The following TIAM2 variants were observed in gnomAD, a reference collection of about 807,000 sequenced individuals.
TIAM2 encodes rho guanine nucleotide exchange factor TIAM2.
TIAM2 carries 80 observed loss-of-function variants against 152.9 expected under a neutral mutation model. That is an observed-to-expected ratio of 0.52 (90% CI 0.44 to 0.63). The LOEUF (loss-of-function observed/expected upper bound fraction) is 0.63, where lower values mean the gene tolerates loss of function less well. TIAM2 is among the 30% of genes least tolerant of loss of function. The probability of loss-of-function intolerance (pLI) is 0.00; values close to 1 mark genes in which losing one functional copy is unlikely to be tolerated. For missense variants in TIAM2, 1,965 were observed against 2,120.1 expected, an observed-to-expected ratio of 0.93 and a Z score of 1.44; for synonymous variants, 804 against 838.0, an observed-to-expected ratio of 0.96 and a Z score of 0.70.
At chr6:155,254,362 T>C (rs1388371885) in intron 25 of TIAM2, 57 bp from the exon 26 acceptor site, 1 of 1,584,374 alleles carries the variant, frequency 6.3e-7, no homozygotes, top group African/African-American at 1.3e-5. Context: ...GGGCGTGGAA[T>C]GGAAGCACGA....
At chr6:155,112,727 C>G (rs1778884590) in intron 2 of TIAM2, among the ~76,000 whole-genome samples, 2 of 152,192 alleles carry the variant, frequency 1.3e-5, no homozygotes, top group Admixed American at 1.3e-4. Flanking sequence ...GAAGCCTGCT[C>G]TGCTCTGCCG....
In TIAM2 at chr6:155,253,061, T is replaced by C. The variant is rs1301551878; in HGVS notation, c.4225+8T>C. ...GACTGGGGAATCCAGCAGGTAACTG[T>C]TTCGTGCAGTATGATGCCAGAAAAA... On this transcript the variant is annotated splice_region_variant and intron_variant, in intron 24 of 26. Transcript: ENST00000682666. The C allele has an allele frequency of 1.2e-6, 2 of 1,610,682 alleles. No individual in the cohort carries two copies. Among genetic ancestry groups the C allele is most frequent in the African/African-American group, 2.7e-5 (2 of 74,812 alleles).
Position 155,256,524 on chromosome 6 carries a change from C to T in TIAM2, c.4509C>T (p.Ser1503=). 3.1e-6 allele frequency: 5 copies of T among 1,614,232 alleles called. No homozygotes were observed. Among genetic ancestry groups the T allele is most frequent in the Non-Finnish European group, 4.2e-6 (5 of 1,180,044 alleles). The change falls in exon 27 of 27, where the codon AGC becomes AGT. Residue 1503 remains serine (S), a synonymous_variant. Coordinates refer to ENST00000682666, the MANE Select transcript of TIAM2 (RefSeq NM_012454.4). The part of the protein sequence containing the change: ...RSLKVLKNSS[S]NEWTGETGKG... Reference sequence around the variant, plus strand: ...TAAAAGTCCTGAAGAATTCCTCCAGCAACGAGTGGACCGGTGAGACTGGCA... The same window carrying T: ...TAAAAGTCCTGAAGAATTCCTCCAGTAACGAGTGGACCGGTGAGACTGGCA...
chr6:155,105,049 C>T (rs1359841182), intron 2 of TIAM2, among the ~76,000 whole-genome samples: 1 of 152,092 alleles, frequency 6.6e-6, no homozygotes, highest in African/African-American at 2.4e-5. Context: ...CTTGACCTCC[C>T]CAGGCTCAAT....
chr6:155,189,143 G>A (rs755797416), intron 14 of TIAM2, among the ~76,000 whole-genome samples: 2 of 152,204 alleles, frequency 1.3e-5, no homozygotes, highest in Non-Finnish European at 2.9e-5. Context: ...GCATTATAGA[G>A]CCAGCTCTGA....
chr6:155,046,058 C>T (rs1001082478), intron 1 of TIAM2, among the ~76,000 whole-genome samples: 13 of 151,688 alleles, frequency 8.6e-5, no homozygotes, highest in African/African-American at 2.9e-4. Context: ...TGCTCCCACA[C>T]CATTGCCTTT....
intron 1 of TIAM2, among the ~76,000 whole-genome samples, chr6:155,003,992 G>A (rs1778358687): frequency 6.6e-6 from 1 of 152,214 alleles, no homozygotes; most frequent in Admixed American, 6.5e-5. Flanking sequence ...ATTCTGTTGA[G>A]TCTGTTGTGT....
At chr6:155,139,360 C>G (rs1035518665) in intron 5 of TIAM2, among the ~76,000 whole-genome samples, 1 of 152,184 alleles carries the variant, frequency 6.6e-6, no homozygotes, top group Non-Finnish European at 1.5e-5. Context: ...GGCGGGTGTA[C>G]AAAGCCCAGG....
In TIAM2 at chr6:154,995,544, G is replaced by A. The variant is rs1438502032; in HGVS notation, c.-209+52G>A. The stretch of plus-strand genomic sequence containing the variant: ...GGAGGGCGACGACCCGCGCTGGTTG[G>A]CGGCGGCTCCAGGTCCCCTGCGGGC... On this transcript the variant is annotated intron_variant, in intron 1 of 26. Transcript: ENST00000682666. This position sits in a 1 kb window ranked among gnomAD's most constrained non-coding sequence, Gnocchi z 5.2. 6.6e-6 allele frequency: 1 copy of A among 151,334 alleles called. No individual in the cohort carries two copies. The highest frequency in any genetic ancestry group is 1.5e-5 in the Non-Finnish European group (1 of 67,806). 9.4% of individuals were successfully genotyped at this position (151,334 alleles called of 1,614,324 possible).
At chr6:155,064,979 T>G (rs375797023) in intron 1 of TIAM2, among the ~76,000 whole-genome samples, 1 of 151,668 alleles carries the variant, frequency 6.6e-6, no homozygotes, top group Admixed American at 6.6e-5. Context: ...ATTGTTGAGA[T>G]AGTCTTGCTT....
Position 155,137,734 on chromosome 6 carries a change from C to G in TIAM2, c.1630+122C>G, listed in dbSNP as rs973374267. 2.8e-6 allele frequency: 3 copies of G among 1,069,966 alleles called. No homozygotes were observed. The African/African-American group carries it at 4.8e-5, about 17-fold the overall frequency. The allele number at this position is 1,069,966 out of a possible 1,614,324, so 66.3% of individuals were successfully genotyped here. A position where few individuals can be genotyped will look rare whatever the true frequency, so the allele number is the denominator to read the frequency against. On this transcript the variant is annotated intron_variant, in intron 5 of 26. Coordinates refer to ENST00000682666, the MANE Select transcript of TIAM2 (RefSeq NM_012454.4). ...CACATGAGGGGTTTGACACAGGATC[C>G]ATGGGCTGCCTTCATGCAGATACTT... is the stretch of plus-strand genomic sequence containing the variant.
At chr6:155,054,457 A>G (rs527549500) in intron 1 of TIAM2, among the ~76,000 whole-genome samples, 3 of 152,324 alleles carry the variant, frequency 2.0e-5, no homozygotes, top group African/African-American at 7.2e-5. Flanking sequence ...GTGAGGGGGA[A>G]GAAGGAAATT....
intron 9 of TIAM2, among the ~76,000 whole-genome samples, chr6:155,166,563 T>C (rs1583225062): frequency 6.6e-6 from 1 of 152,282 alleles, no homozygotes; most frequent in East Asian, 1.9e-4. Flanking sequence ...CCTCAGGTGA[T>C]CCACCCACCT....
intron 1 of TIAM2, among the ~76,000 whole-genome samples, chr6:155,007,034 C>T (rs1328746751): frequency 6.6e-6 from 1 of 152,192 alleles, no homozygotes; most frequent in Non-Finnish European, 1.5e-5. Context: ...CCATGTTGCT[C>T]AGGCTGGTCT....
intron 1 of TIAM2, among the ~76,000 whole-genome samples, chr6:155,073,242 A>G (rs1181420800): frequency 2.1e-5 from 3 of 145,462 alleles, no homozygotes; most frequent in African/African-American, 7.7e-5. Context: ...GGCTCACTGC[A>G]ACCTCCACCT....
chr6:155,216,154 C>A (rs778889114), intron 15 of TIAM2, among the ~76,000 whole-genome samples: 16 of 152,076 alleles, frequency 1.1e-4, no homozygotes, highest in Non-Finnish European at 2.4e-4. Context: ...CTGGTGAATG[C>A]CTAGTGTGTG....
intron 1 of TIAM2, among the ~76,000 whole-genome samples, chr6:155,055,539 C>T (rs561902979): frequency 2.0e-4 from 30 of 152,216 alleles, no homozygotes; most frequent in African/African-American, 5.3e-4. Context: ...TGGTTTCGTA[C>T]GTGAGATTTT....
At chr6:155,105,987 ATTTT>A (rs1466567319) in intron 2 of TIAM2, among the ~76,000 whole-genome samples, 2 of 145,058 alleles carry the variant, frequency 1.4e-5, no homozygotes, top group African/African-American at 2.5e-5. Flanking sequence ...ATTTTTATTT[ATTTT>A]ATTTTATTTT....
chr6:155,048,751 C>T (rs959715023), intron 1 of TIAM2, among the ~76,000 whole-genome samples: 8 of 151,410 alleles, frequency 5.3e-5, no homozygotes, highest in African/African-American at 1.5e-4. Flanking sequence ...GAAACAAACT[C>T]AGTGCATGTT....
Sources: allele counts gnomAD v4.1 joint callset (sites outside exome capture counted in the v4.1 genomes callset), GRCh38; gene constraint gnomAD v4.1.1; non-coding constraint Gnocchi (gnomAD v3.1); transcripts MANE v1.5; gene names NCBI Gene and HGNC (gene_info 2026-07-23, HGNC 2026-07-21).